Variants in PKD1L3 observed in about 807,000 individuals in gnomAD.
The protein encoded by PKD1L3 is polycystin-1-like protein 3.
In PKD1L3, 239 loss-of-function variants were observed where a neutral mutation model predicts 184.1. That is an observed-to-expected ratio of 1.30 (90% CI 1.17 to 1.45). PKD1L3 has a LOEUF of 1.45. Ranked by LOEUF, PKD1L3 falls within the 40% of genes most tolerant of loss-of-function variation. The pLI is 0.00. For synonymous variants in PKD1L3, 996 were observed against 778.8 expected, an observed-to-expected ratio of 1.28 and a Z score of -4.64; for missense variants, 2,660 against 2,067.2, an observed-to-expected ratio of 1.29 and a Z score of -5.56.
intron 15 of PKD1L3, among the ~76,000 whole-genome samples, chr16:71,966,106 C>T (rs1044836964): frequency 6.6e-6 from 1 of 151,882 alleles, no homozygotes; most frequent in Non-Finnish European, 1.5e-5. Context: ...ATGTATTTTG[C>T]TAACAAATTT....
intron 5 of PKD1L3, among the ~76,000 whole-genome samples, chr16:71,984,960 G>A (rs964588712): frequency 6.6e-6 from 1 of 152,086 alleles, no homozygotes; most frequent in African/African-American, 2.4e-5. Context: ...CTGAGCAAAT[G>A]GCCGCGGTCC....
At chr16:71,977,558 C>CAA in intron 10 of PKD1L3, 91 bp from the exon 11 acceptor site, 1 of 628,056 alleles carries the variant, frequency 1.6e-6, no homozygotes, top group Non-Finnish European at 2.5e-6. Flanking sequence ...AACGTCCTAG[C>CAA]TCTTTTTTTT....
chr16:71,947,403 T>A, intron 22 of PKD1L3, 89 bp downstream of exon 22: 1 of 835,294 alleles, frequency 1.2e-6, no homozygotes, highest in Non-Finnish European at 1.9e-6. Flanking sequence ...ACAAGTCCTT[T>A]GAATGGGTTA....
chr16:71,977,427 G>C lies in PKD1L3; in HGVS notation c.1568C>G (p.Thr523Ser), dbSNP rs941263079. ...WRNVSLETHP[T>S]SLNMSTHQLT... ...CTGATGTGTGCTCATGTTGAGGCTG[G>C]TGGGATGGGTTTCCAAGCTAACATT... The change falls in exon 11 of 30, where the codon ACC becomes AGC. Residue 523 changes from threonine (T) to serine (S), a missense_variant. By Grantham distance (58) the Thr-to-Ser change is moderately conservative. Coordinates refer to ENST00000620267, the MANE Select transcript of PKD1L3 (RefSeq NM_181536.2). The C allele has an allele frequency of 6.4e-7, 1 of 1,551,564 alleles. No homozygotes were observed.
At chr16:71,958,325 T>C (rs1308677534) in intron 16 of PKD1L3, among the ~76,000 whole-genome samples, 3 of 142,360 alleles carry the variant, frequency 2.1e-5, no homozygotes, top group Non-Finnish European at 3.0e-5. Context: ...AGGCGGAGCT[T>C]GCAGTGAGCC....
intron 6 of PKD1L3, among the ~76,000 whole-genome samples, chr16:71,982,486 T>C (rs1313276380): frequency 6.6e-6 from 1 of 152,046 alleles, no homozygotes; most frequent in Admixed American, 6.6e-5. Flanking sequence ...AGTTTCTCCA[T>C]GTTGGTCAGG....
chr16:71,930,146 A>T lies in PKD1L3; in HGVS notation c.4964T>A (p.Ile1655Asn). ...ALDPVLGTFL[I>N]LTSVILMVLV... ...TACCATCAAGATGACACTGGTGAGG[A>T]TCAGAAAGGTGCCCAGGACTGGGTC... is the stretch of plus-strand genomic sequence containing the variant. Residue 1655 changes from isoleucine to asparagine, a missense_variant, in exon 29 of 30, where the codon ATC becomes AAC. By Grantham distance (149) the Ile-to-Asn change is moderately radical. Coordinates refer to ENST00000620267, the MANE Select transcript of PKD1L3 (RefSeq NM_181536.2). The T allele has an allele frequency of 1.9e-6, 3 of 1,551,564 alleles. No individual in the cohort carries two copies.
rs979432037 is a variant in PKD1L3 at position 71,984,161 on chromosome 16, C to G, written c.841G>C (p.Asp281His). Residue 281 changes from aspartate (D) to histidine (H), a missense_variant, in exon 6 of 30, where the codon GAT (aspartate) becomes CAT (histidine). By Grantham distance (81) the Asp-to-His change is moderately conservative. Transcript: ENST00000620267. ...SLQKASGQVI[D>H]EIAGNFSRAV... Reference sequence around the variant, plus strand: ...CTGCTGAAGTTCCCTGCTATCTCATCTATGACCTATTGGGAACAAAGAAGT... The same window carrying G: ...CTGCTGAAGTTCCCTGCTATCTCATGTATGACCTATTGGGAACAAAGAAGT... 6 of 1,551,158 alleles carry G rather than the reference C, an allele frequency of 3.9e-6. No homozygotes were observed. The African/African-American group carries it at 5.5e-5, about 14-fold the overall frequency.
intron 9 of PKD1L3, among the ~76,000 whole-genome samples, 155 bp from the exon 10 acceptor site, chr16:71,978,538 CATACTTTT>C (rs2040024201): frequency 3.3e-5 from 3 of 90,762 alleles, no homozygotes; most frequent in African/African-American, 1.6e-4. Context: ...TACATACATA[CATACTTTT>C]TTTTTTTTTT....
At chr16:71,978,201 T>C in intron 10 of PKD1L3, 54 bp downstream of exon 10, 1 of 1,508,780 alleles carries the variant, frequency 6.6e-7, no homozygotes, top group African/African-American at 1.4e-5. Context: ...CCTTCCATCC[T>C]GTTGCAGAAT....
At chr16:71,967,586 T>A (rs2039549683) in intron 14 of PKD1L3, among the ~76,000 whole-genome samples, 1 of 152,146 alleles carries the variant, frequency 6.6e-6, no homozygotes, top group Non-Finnish European at 1.5e-5. Flanking sequence ...TGCCTCAACC[T>A]CCTGAGTAGC....
rs1313810000 is a variant in PKD1L3 at position 71,977,255 on chromosome 16, C to A, written c.1740G>T (p.Lys580Asn). Residue 580 changes from lysine to asparagine, a missense_variant, in exon 11 of 30, where the codon AAG (lysine) becomes AAT (asparagine). By Grantham distance (94) the Lys-to-Asn change is moderately conservative. Transcript: ENST00000620267. ...THFHLNITLP[K>N]DKVWQKDEEY... is the part of the protein sequence containing the mutation. ...TTTTACCTTTTTGCCACACCTTATC[C>A]TTTGGAAGGGTGATGTTCAGGTGGA... 2 of 1,530,608 alleles carry A rather than the reference C, an allele frequency of 1.3e-6. No individual in the cohort carries two copies. The highest frequency in any genetic ancestry group is 1.4e-5 in the African/African-American group (1 of 72,558). 94.8% of individuals were successfully genotyped at this position (1,530,608 alleles called of 1,614,324 possible).
Position 71,950,199 on chromosome 16 carries a change from A to C in PKD1L3, c.3302T>G (p.Phe1101Cys). 1 of 1,552,290 alleles carries C rather than the reference A, an allele frequency of 6.4e-7. No individual in the cohort carries two copies. Among genetic ancestry groups the C allele is most frequent in the Non-Finnish European group, 8.7e-7 (1 of 1,147,126 alleles). The change falls in exon 20 of 30, where the codon TTC becomes TGC. Residue 1101 changes from phenylalanine to cysteine, a missense_variant. Transcript: ENST00000620267. ...GLTQGHQSCD[F>C]LDAASQLQKL... ...TTGAAGTTGGCTGGCTGCATCTAGG[A>C]AGTCACAGGACTGGTGACCCTGGGT... is the stretch of plus-strand genomic sequence containing the variant.
chr16:71,940,232 G>T (rs1262984443), intron 24 of PKD1L3, among the ~76,000 whole-genome samples: 2 of 152,118 alleles, frequency 1.3e-5, no homozygotes, highest in Non-Finnish European at 2.9e-5. Flanking sequence ...TTGTTTCCCA[G>T]TGATGCTGTA....
chr16:71,942,066 G>A (rs999644233), intron 24 of PKD1L3, among the ~76,000 whole-genome samples: 30 of 150,656 alleles, frequency 2.0e-4, no homozygotes, highest in Admixed American at 2.0e-3. Flanking sequence ...TGTAATCCCA[G>A]CACTTTCGGA....
At chr16:71,941,425 T>G (rs1330502247) in intron 24 of PKD1L3, among the ~76,000 whole-genome samples, 1 of 151,352 alleles carries the variant, frequency 6.6e-6, no homozygotes, top group African/African-American at 2.4e-5. Context: ...AGCAAAAATA[T>G]AAGAAAATCA....
At chr16:71,951,320 G>C (rs921060403) in intron 19 of PKD1L3, among the ~76,000 whole-genome samples, 2 of 152,326 alleles carry the variant, frequency 1.3e-5, no homozygotes, top group Non-Finnish European at 2.9e-5. Flanking sequence ...GATTACAGGC[G>C]TGACCCACAT....
At chr16:71,930,787 T>C (rs536547924) in intron 28 of PKD1L3, 1 of 152,250 alleles carries the variant, frequency 6.6e-6, no homozygotes, top group South Asian at 2.1e-4. Flanking sequence ...GTTTAAAATT[T>C]AGATGTTCTT....
At chr16:71,989,311 C>G (rs1376118776) in intron 4 of PKD1L3, among the ~76,000 whole-genome samples, 1 of 152,158 alleles carries the variant, frequency 6.6e-6, no homozygotes, top group Non-Finnish European at 1.5e-5. Context: ...CTCCACCAAG[C>G]CTGGCTAATT....
Sources: allele counts gnomAD v4.1 joint callset (sites outside exome capture counted in the v4.1 genomes callset), GRCh38; gene constraint gnomAD v4.1.1; transcripts MANE v1.5; gene names NCBI Gene and HGNC (gene_info 2026-07-23, HGNC 2026-07-21).